Variants in SYNE4 observed in about 807,000 individuals in gnomAD.
SYNE4 encodes spectrin repeat containing nuclear envelope family member 4.
SYNE4 carries 41 observed loss-of-function variants against 46.9 expected under a neutral mutation model. The ratio of observed to expected loss-of-function variants is 0.87; its 90% CI spans 0.68 to 1.13. SYNE4 has a LOEUF of 1.13. Ranked by LOEUF, SYNE4 falls within the 50% of genes most tolerant of loss-of-function variation. SYNE4 has a pLI of 0.00. For synonymous variants in SYNE4, 221 were observed against 219.5 expected, an observed-to-expected ratio of 1.01 and a Z score of -0.06; for missense variants, 492 against 514.8, an observed-to-expected ratio of 0.96 and a Z score of 0.43.
chr19:36,006,463 C>T lies in SYNE4; in HGVS notation c.827G>A (p.Cys276Tyr). The T allele has an allele frequency of 1.2e-6, 2 of 1,611,888 alleles. No individual in the cohort carries two copies. The highest frequency in any genetic ancestry group is 1.1e-5 in the South Asian group (1 of 90,850). The change falls in exon 5 of 8, where the codon TGT becomes TAT. Residue 276 changes from cysteine (C) to tyrosine (Y), a missense_variant. By Grantham distance (194) the Cys-to-Tyr change is radical. Coordinates refer to ENST00000324444, the MANE Select transcript of SYNE4 (RefSeq NM_001039876.3). ...CCTGCCCTGGGGCCCCCTCTGGCCA[C>T]ACAGCTCACAGGGCACTCCTAGTGT... ...ARTLGVPCEL[C>Y]GQRGPQGRGQ... is the part of the protein sequence containing the mutation.
At position 36,008,336 on chromosome 19, in the gene SYNE4, A is replaced by G; in HGVS notation, c.160T>C (p.Ser54Pro). 6.4e-7 allele frequency: 1 copy of G among 1,566,048 alleles called. No homozygotes were observed. Among genetic ancestry groups the G allele is most frequent in the Non-Finnish European group, 8.7e-7 (1 of 1,153,586 alleles). The change falls in exon 2 of 8, where the codon TCC becomes CCC. Residue 54 changes from serine (S) to proline (P), a missense_variant. Physicochemically the swap from Ser to Pro is moderately conservative, Grantham distance 74. Transcript: ENST00000324444. ...PEQAQTLGQD[S>P]LGPPEHFQGG... ...TGGAAGTGCTCAGGAGGGCCCAAGG[A>G]GTCCTGTCCCAGGGTCTGGGCCTGC...
At chr19:36,006,705 A>T (rs1976864290) in intron 4 of SYNE4, 34 bp from the exon 5 acceptor site, 1 of 1,589,462 alleles carries the variant, frequency 6.3e-7, no homozygotes, top group East Asian at 2.2e-5. Flanking sequence ...GGAGGCTATG[A>T]GGTTGGGGCC....
At position 36,003,371 on chromosome 19, in the gene SYNE4, A is replaced by G. The variant is rs1336943655; in HGVS notation, c.1181T>C (p.Val394Ala). The G allele has an allele frequency of 6.2e-7, 1 of 1,614,116 alleles. No individual in the cohort carries two copies. Among genetic ancestry groups the G allele is most frequent in the South Asian group, 1.1e-5 (1 of 91,062 alleles). Residue 394 changes from valine (V) to alanine (A), a missense_variant, in exon 8 of 8, where the codon GTG (valine) becomes GCG (alanine). Coordinates refer to ENST00000324444, the MANE Select transcript of SYNE4 (RefSeq NM_001039876.3). Reference sequence around the variant, plus strand: ...GGGAAGACCATTGACATAGCTGAGCACCAGGTAGGGTGTCCTGGGTATTCG... The same window carrying G: ...GGGAAGACCATTGACATAGCTGAGCGCCAGGTAGGGTGTCCTGGGTATTCG... The part of the protein sequence containing the change: ...HARIPRTPYL[V>A]LSYVNGLPPV
chr19:36,007,265 G>C lies in SYNE4; in HGVS notation c.283C>G (p.Pro95Ala). Residue 95 changes from proline (P) to alanine (A), a missense_variant, in exon 3 of 8, where the codon CCC (proline) becomes GCC (alanine). Pro to Ala is a conservative substitution (Grantham distance 27). Coordinates refer to ENST00000324444, the MANE Select transcript of SYNE4 (RefSeq NM_001039876.3). Reference sequence around the variant, plus strand: ...TCTAGTACCTCCAGGCCAGAAATGGGGTGCTGGGGAACACAGGAGCCAGGT... The same window carrying C: ...TCTAGTACCTCCAGGCCAGAAATGGCGTGCTGGGGAACACAGGAGCCAGGT... ...DPAGGKHCEH[P>A]ISGLEVLEAE... 1 of 1,597,394 alleles carries C rather than the reference G, an allele frequency of 6.3e-7. No homozygotes were observed. The highest frequency in any genetic ancestry group is 8.5e-7 in the Non-Finnish European group (1 of 1,171,918).
intron 5 of SYNE4, 66 bp from the exon 6 acceptor site, chr19:36,005,503 G>T: frequency 6.9e-7 from 1 of 1,454,084 alleles, no homozygotes; most frequent in South Asian, 1.2e-5. Context: ...TCATAGAGAT[G>T]AGATTCTGGG....
rs766580479 is a variant in SYNE4 at position 36,005,416 on chromosome 19, G to C, written c.889C>G (p.Arg297Gly). The change falls in exon 6 of 8, where the codon CGA becomes GGA. Residue 297 changes from arginine to glycine, a missense_variant. Coordinates refer to ENST00000324444, the MANE Select transcript of SYNE4 (RefSeq NM_001039876.3). ...AGGCCAGACTCCAGCATGTCCTGTCGGGAGTGAGAGGTGTCTGCTTCCTGG... is the reference window on the plus strand; with the variant it reads ...AGGCCAGACTCCAGCATGTCCTGTCCGGAGTGAGAGGTGTCTGCTTCCTGG... ...GLEEADTSHSRQDMLESGLGH... is the reference protein window; with the variant it reads ...GLEEADTSHSGQDMLESGLGH... 1 of 1,613,826 alleles carries C rather than the reference G, an allele frequency of 6.2e-7. No individual in the cohort carries two copies. The highest frequency in any genetic ancestry group is 2.2e-5 in the East Asian group (1 of 44,876).
At position 36,003,312 on chromosome 19, in the gene SYNE4, T is replaced by G; in HGVS notation, c.*25A>C. ...GCACCTAGTATCTTCACACATCCTT[T>G]GACAGTGACCATTTATTACACACAT... On this transcript the variant is annotated 3_prime_UTR_variant, in exon 8 of 8. Transcript: ENST00000324444. 6.2e-7 allele frequency: 1 copy of G among 1,613,328 alleles called. No individual in the cohort carries two copies. The highest frequency in any genetic ancestry group is 2.2e-5 in the East Asian group (1 of 44,856).
Position 36,003,447 on chromosome 19 carries a change from C to A in SYNE4, c.1105G>T (p.Gly369Cys). The change falls in exon 8 of 8, where the codon GGT becomes TGT. Residue 369 changes from glycine to cysteine, a missense_variant. Transcript: ENST00000324444. ...GACGCGGGCAGGAGAAACATGGCAC[C>A]CACCAGGAGGAGGAAGAGGAGGAAG... Reference protein sequence around the residue: ...ILFLLFLLLVGAMFLLPASGG... With the variant: ...ILFLLFLLLVCAMFLLPASGG... The A allele has an allele frequency of 2.5e-6, 4 of 1,613,148 alleles. No individual in the cohort carries two copies. Among genetic ancestry groups the A allele is most frequent in the Non-Finnish European group, 3.4e-6 (4 of 1,179,652 alleles).
chr19:36,006,787 A>T lies in SYNE4; in HGVS notation c.581T>A (p.Leu194His), dbSNP rs1231500695. 1 of 1,611,472 alleles carries T rather than the reference A, an allele frequency of 6.2e-7. No homozygotes were observed. The highest frequency in any genetic ancestry group is 1.3e-5 in the African/African-American group (1 of 74,734). Residue 194 changes from leucine to histidine, a missense_variant, in exon 4 of 8, where the codon CTC becomes CAC. Leu to His is a moderately conservative substitution (Grantham distance 99). Transcript: ENST00000324444. ...GAYRDSIFRRLWQLQAQLVSY... is the reference protein window; with the variant it reads ...GAYRDSIFRRHWQLQAQLVSY... ...GACCAGCTGGGCCTGCAGCTGCCAGAGCCGCCGGAAGATGGAGTCTCGGTA... is the reference window on the plus strand; with the variant it reads ...GACCAGCTGGGCCTGCAGCTGCCAGTGCCGCCGGAAGATGGAGTCTCGGTA...
At chr19:36,007,439 C>T in intron 2 of SYNE4, 171 bp from the exon 3 acceptor site, 1 of 985,420 alleles carries the variant, frequency 1.0e-6, no homozygotes, top group Non-Finnish European at 1.2e-6. Flanking sequence ...CCAGTGGAGC[C>T]AGGCCTGAGG....
intron 6 of SYNE4, 108 bp from the exon 7 acceptor site, chr19:36,003,779 G>A (rs373888049): frequency 1.3e-6 from 2 of 1,483,110 alleles, no homozygotes; most frequent in East Asian, 2.5e-5. Context: ...GACTGCAATG[G>A]CTCAATCTCA....
At position 36,006,512 on chromosome 19, in the gene SYNE4, G is replaced by A. The variant is rs763164281; in HGVS notation, c.778C>T (p.Pro260Ser). Reference sequence around the variant, plus strand: ...GTCCGGGCTGTCTTTTGTCCCAAGGGCCCAAGGCCCCCAATGTCCCCCGCC... The same window carrying A: ...GTCCGGGCTGTCTTTTGTCCCAAGGACCCAAGGCCCCCAATGTCCCCCGCC... ...DPAGDIGGLGPLGQKTARTLG... is the reference protein window; with the variant it reads ...DPAGDIGGLGSLGQKTARTLG... Residue 260 changes from proline (P) to serine (S), a missense_variant, in exon 5 of 8, where the codon CCC (proline) becomes TCC (serine). By Grantham distance (74) the Pro-to-Ser change is moderately conservative. Coordinates refer to ENST00000324444, the MANE Select transcript of SYNE4 (RefSeq NM_001039876.3). 2 of 1,609,818 alleles carry A rather than the reference G, an allele frequency of 1.2e-6. No individual in the cohort carries two copies. The highest frequency in any genetic ancestry group is 1.7e-6 in the Non-Finnish European group (2 of 1,178,112).
chr19:36,008,516 C>T (rs770930638), intron 1 of SYNE4, 38 bp downstream of exon 1: 1 of 1,612,584 alleles, frequency 6.2e-7, no homozygotes, highest in East Asian at 2.2e-5. Context: ...ACCACGCCTA[C>T]CCTTTTGGGA....
rs141202530 is a variant in SYNE4 at position 36,003,450 on chromosome 19, C to G, written c.1102G>C (p.Val368Leu). ...LILFLLFLLL[V>L]GAMFLLPASG... ...GCGGGCAGGAGAAACATGGCACCCA[C>G]CAGGAGGAGGAAGAGGAGGAAGAGG... Residue 368 changes from valine to leucine, a missense_variant, in exon 8 of 8, where the codon GTG becomes CTG. Val to Leu is a conservative substitution (Grantham distance 32). Transcript: ENST00000324444. The G allele has an allele frequency of 6.2e-7, 1 of 1,613,040 alleles. No homozygotes were observed. Among genetic ancestry groups the G allele is most frequent in the East Asian group, 2.2e-5 (1 of 44,846 alleles).
At position 36,006,465 on chromosome 19, in the gene SYNE4, C is replaced by T; in HGVS notation, c.825G>A (p.Leu275=). Residue 275 remains leucine, a synonymous_variant, in exon 5 of 8, where the codon CTG becomes CTA. Coordinates refer to ENST00000324444, the MANE Select transcript of SYNE4 (RefSeq NM_001039876.3). ...TGCCCTGGGGCCCCCTCTGGCCACA[C>T]AGCTCACAGGGCACTCCTAGTGTCC... ...TARTLGVPCE[L]CGQRGPQGRG... 3 of 1,611,924 alleles carry T rather than the reference C, an allele frequency of 1.9e-6. No homozygotes were observed. Among genetic ancestry groups the T allele is most frequent in the Non-Finnish European group, 2.5e-6 (3 of 1,178,796 alleles).
In SYNE4 at chr19:36,006,945, C is replaced by T; in HGVS notation, c.424-1G>A. On this transcript the variant is annotated splice_acceptor_variant, in intron 3 of 7. Transcript: ENST00000324444. LOFTEE classifies it high-confidence loss of function. ...CCCCTCGTAGGTCCACCTGGAGGGC[C>T]TGGGGACATATGGACATCACCCCAC... 2 of 1,545,630 alleles carry T rather than the reference C, an allele frequency of 1.3e-6. No individual in the cohort carries two copies. The highest frequency in any genetic ancestry group is 1.4e-5 in the African/African-American group (1 of 73,074).
rs752047448 is a variant in SYNE4, at chr19:36,003,675, A to T, written c.973-4T>A. The T allele has an allele frequency of 5.6e-5, 91 of 1,612,108 alleles. No homozygotes were observed. The highest frequency in any genetic ancestry group is 7.3e-5 in the Non-Finnish European group (86 of 1,179,366). On this transcript the variant is annotated splice_region_variant and splice_polypyrimidine_tract_variant and intron_variant, in intron 6 of 7. Coordinates refer to ENST00000324444, the MANE Select transcript of SYNE4 (RefSeq NM_001039876.3). ...GAGATGCTTGCCTCTTCTTGTCCTA[A>T]GGAGGGAGAGCAGCCAGCAGCAGAA...
chr19:36,004,293 G>GA (rs2145341962), intron 6 of SYNE4, among the ~76,000 whole-genome samples: 1 of 152,308 alleles, frequency 6.6e-6, no homozygotes, highest in Admixed American at 6.5e-5. Context: ...AAAGTGTTGG[G>GA]ATCACAGGCG....
intron 1 of SYNE4, 63 bp from the exon 2 acceptor site, chr19:36,008,430 C>A: frequency 1.3e-6 from 2 of 1,578,662 alleles, no homozygotes; most frequent in Non-Finnish European, 1.7e-6. Flanking sequence ...CTACCGTCAC[C>A]CCAACCCTGG....
Sources: allele counts gnomAD v4.1 joint callset (sites outside exome capture counted in the v4.1 genomes callset), GRCh38; gene constraint gnomAD v4.1.1; transcripts MANE v1.5; gene names NCBI Gene and HGNC (gene_info 2026-07-23, HGNC 2026-07-21).